DSC1: variants seen among roughly 807,000 people sequenced by gnomAD.
The protein encoded by DSC1 is desmocollin-1.
DSC1 carries 79 observed loss-of-function variants against 98.8 expected under a neutral mutation model. That is an observed-to-expected ratio of 0.80 (90% CI 0.67 to 0.96). The LOEUF (loss-of-function observed/expected upper bound fraction) is 0.96, where lower values mean the gene tolerates loss of function less well. Among genes scored for constraint, DSC1 ranks in the 50% least tolerant of loss-of-function variants. The probability of loss-of-function intolerance (pLI) is 0.00; values close to 1 mark genes in which losing one functional copy is unlikely to be tolerated. For missense variants in DSC1, 1,115 were observed against 1,075.9 expected, an observed-to-expected ratio of 1.04 and a Z score of -0.51; for synonymous variants, 405 against 372.1, an observed-to-expected ratio of 1.09 and a Z score of -1.02.
chr18:31,148,717 GA>G, intron 5 of DSC1, 75 bp from the exon 6 acceptor site: 1 of 1,346,264 alleles, frequency 7.4e-7, no homozygotes, highest in Admixed American at 2.6e-5. Flanking sequence ...AGCAGTGGGG[GA>G]AAATGTAACA....
At chr18:31,132,832 T>C in intron 13 of DSC1, 143 bp from the exon 14 acceptor site, 1 of 711,642 alleles carries the variant, frequency 1.4e-6, no homozygotes, top group Non-Finnish European at 2.2e-6. Flanking sequence ...AACAGAATAT[T>C]TTAAAAATGT....
chr18:31,158,187 AACCTGGG>A (rs1385400695), intron 2 of DSC1, among the ~76,000 whole-genome samples: 4 of 152,128 alleles, frequency 2.6e-5, no homozygotes, highest in African/African-American at 9.7e-5. Flanking sequence ...GAATTGCTTG[AACCTGGG>A]AGGTGAAGGT....
At chr18:31,155,057 T>A in intron 4 of DSC1, 128 bp from the exon 5 acceptor site, 1 of 1,107,618 alleles carries the variant, frequency 9.0e-7, no homozygotes. Flanking sequence ...TTCTTCTGCT[T>A]AGGTGCCCAT....
intron 5 of DSC1, among the ~76,000 whole-genome samples, chr18:31,150,124 C>A (rs1568002382): frequency 7.0e-6 from 1 of 142,584 alleles, no homozygotes; most frequent in Admixed American, 7.4e-5. Context: ...TCACCACCAT[C>A]TCCACCATTA....
At chr18:31,157,669 G>A in intron 2 of DSC1, 96 bp from the exon 3 acceptor site, 2 of 1,320,048 alleles carry the variant, frequency 1.5e-6, no homozygotes, top group South Asian at 1.2e-5. Flanking sequence ...ATGAGAAGCA[G>A]AAAAAGGGAG....
In DSC1 at chr18:31,156,063, A is replaced by T; in HGVS notation, c.451T>A (p.Phe151Ile). The change falls in exon 4 of 16, where the codon TTT becomes ATT. Residue 151 changes from phenylalanine to isoleucine, a missense_variant. Phe to Ile is a conservative substitution (Grantham distance 21). Transcript: ENST00000257198. ...ASLMENSLGP[F>I]PQHVQQIQSD... ...TGCACCTGCTGAACGTGTTGTGGAA[A>T]TGGACCCAACGAGTTCTCCATCAAT... 2.5e-6 allele frequency: 4 copies of T among 1,614,058 alleles called. No homozygotes were observed. Among genetic ancestry groups the T allele is most frequent in the Non-Finnish European group, 3.4e-6 (4 of 1,180,008 alleles).
chr18:31,149,797 T>A (rs780459070), intron 5 of DSC1, among the ~76,000 whole-genome samples: 1 of 152,150 alleles, frequency 6.6e-6, no homozygotes, highest in Non-Finnish European at 1.5e-5. Flanking sequence ...GAATGTACAC[T>A]CCAAACTCTG....
rs1159433871 is a variant in DSC1 at position 31,143,796 on chromosome 18, A to T, written c.940-5T>A. 1.3e-6 allele frequency: 2 copies of T among 1,545,814 alleles called. No homozygotes were observed. Among genetic ancestry groups the T allele is most frequent in the Non-Finnish European group, 1.7e-6 (2 of 1,150,650 alleles). ...TAACTGGTAAGTATCACATTTCTGA[A>T]AAAAAGGAAAAAACTACATTAATGA... On this transcript the variant is annotated splice_region_variant and splice_polypyrimidine_tract_variant and intron_variant, in intron 7 of 15. Coordinates refer to ENST00000257198, the MANE Select transcript of DSC1 (RefSeq NM_024421.2).
chr18:31,162,653 C>T lies in DSC1; in HGVS notation c.-59G>A. On this transcript the variant is annotated 5_prime_UTR_variant, in exon 1 of 16. It adds an upstream start codon to the 5' untranslated region. Coordinates refer to ENST00000257198, the MANE Select transcript of DSC1 (RefSeq NM_024421.2). ...AGATAACAGGGCAGCCTGGGATGCA[C>T]AGAGCGGCTAAGAAGACGCTGGCAC... 1 of 1,518,800 alleles carries T rather than the reference C, an allele frequency of 6.6e-7. No homozygotes were observed. Among genetic ancestry groups the T allele is most frequent in the Non-Finnish European group, 9.1e-7 (1 of 1,094,266 alleles). 94.1% of individuals were successfully genotyped at this position (1,518,800 alleles called of 1,614,324 possible).
At position 31,159,532 on chromosome 18, in the gene DSC1, C is replaced by CA. The variant is rs35550730; in HGVS notation, c.64-4dup. 0.095 allele frequency: 124,353 copies of CA among 1,307,030 alleles called. 1,101 individuals are homozygous for CA. Among genetic ancestry groups the CA allele is most frequent in the African/African-American group, 0.23 (14,728 of 64,090 alleles). The allele number at this position is 1,307,030 out of a possible 1,614,324, so 81.0% of individuals were successfully genotyped here. A position where few individuals can be genotyped will look rare whatever the true frequency, so the allele number is the denominator to read the frequency against. On this transcript the variant is annotated splice_region_variant and splice_polypyrimidine_tract_variant and intron_variant, in intron 1 of 15. Coordinates refer to ENST00000257198, the MANE Select transcript of DSC1 (RefSeq NM_024421.2). Reference sequence around the variant, plus strand: ...GCATCGCAAAGTAATGTTAAAACCTCAAAAAAAAAAAAAGAAAAAATATCA... The same window carrying CA: ...GCATCGCAAAGTAATGTTAAAACCTCAAAAAAAAAAAAAAGAAAAAATATCA...
intron 11 of DSC1, among the ~76,000 whole-genome samples, chr18:31,136,359 A>G (rs1988608743): frequency 6.6e-6 from 1 of 152,224 alleles, no homozygotes; most frequent in Admixed American, 6.5e-5. Flanking sequence ...TTCTCTTTAT[A>G]GAAAAATCGT....
At chr18:31,143,414 G>T (rs1227722869) in intron 8 of DSC1, among the ~76,000 whole-genome samples, 1 of 151,590 alleles carries the variant, frequency 6.6e-6, no homozygotes, top group Non-Finnish European at 1.5e-5. Flanking sequence ...TAACACATGA[G>T]CTACGTCTAG....
At chr18:31,133,720 T>G (rs1376863111) in intron 13 of DSC1, among the ~76,000 whole-genome samples, 171 bp downstream of exon 13, 1 of 152,060 alleles carries the variant, frequency 6.6e-6, no homozygotes, top group African/African-American at 2.4e-5. Flanking sequence ...AAATTTAATC[T>G]GCTGTTACTG....
At chr18:31,158,374 G>A (rs1309944123) in intron 2 of DSC1, among the ~76,000 whole-genome samples, 3 of 152,090 alleles carry the variant, frequency 2.0e-5, no homozygotes, top group Non-Finnish European at 2.9e-5. Context: ...AACCCGATGC[G>A]CTGTGGTTAT....
Position 31,154,812 on chromosome 18 carries a change from T to C in DSC1, c.589A>G (p.Thr197Ala). 1 of 1,614,004 alleles carries C rather than the reference T, an allele frequency of 6.2e-7. No homozygotes were observed. The highest frequency in any genetic ancestry group is 8.5e-7 in the Non-Finnish European group (1 of 1,179,914). Residue 197 changes from threonine (T) to alanine (A), a missense_variant, in exon 5 of 16, where the codon ACA (threonine) becomes GCA (alanine). Physicochemically the swap from Thr to Ala is moderately conservative, Grantham distance 58 (BLOSUM62 0). Coordinates refer to ENST00000257198, the MANE Select transcript of DSC1 (RefSeq NM_024421.2). ...IEKDTGDIFCTRSIDREKYEQ... is the reference protein window; with the variant it reads ...IEKDTGDIFCARSIDREKYEQ... ...TATTTCTCACGGTCAATGCTCCTTG[T>C]ACAAAAGATATCCCCAGTGTCTTTC...
At chr18:31,138,587 T>C (rs1158187971) in intron 11 of DSC1, among the ~76,000 whole-genome samples, 1 of 148,444 alleles carries the variant, frequency 6.7e-6, no homozygotes, top group Non-Finnish European at 1.5e-5. Flanking sequence ...GGGTATAATA[T>C]CTGAGAACAC....
Position 31,162,733 on chromosome 18 carries a change from A to C in DSC1, c.-139T>G. ...TGCAGCTGAGCTTGGTTTGGAAGAC[A>C]GTCCGGAGGCAAGTGATAAACAGTA... On this transcript the variant is annotated 5_prime_UTR_variant, in exon 1 of 16. Transcript: ENST00000257198. 1.5e-6 allele frequency: 1 copy of C among 684,330 alleles called. No homozygotes were observed. Among genetic ancestry groups the C allele is most frequent in the Non-Finnish European group, 2.6e-6 (1 of 388,680 alleles). The allele number at this position is 684,330 out of a possible 1,614,324, so 42.4% of individuals were successfully genotyped here. A position where few individuals can be genotyped will look rare whatever the true frequency, so the allele number is the denominator to read the frequency against.
chr18:31,152,480 T>C (rs17727199), intron 5 of DSC1, among the ~76,000 whole-genome samples: 35,807 of 152,096 alleles, frequency 0.24, 4,739 homozygotes, highest in East Asian at 0.56. Context: ...TTATATAAAA[T>C]CAAAGAATTA....
Position 31,144,930 on chromosome 18 carries a change from C to CTTTTTTTTTTTTTTTTTTTTT in DSC1, c.939+680_939+681insAAAAAAAAAAAAAAAAAAAAA, listed in dbSNP as rs1170980389. ...AGTATATGGGAACCGTCTGTATTTTCTTTTTCTTTCTTTTTTTTTTTTTTT... is the reference window on the plus strand; with the variant it reads ...AGTATATGGGAACCGTCTGTATTTTCTTTTTTTTTTTTTTTTTTTTTTTTTTCTTTCTTTTTTTTTTTTTTT... On this transcript the variant is annotated intron_variant, in intron 7 of 15. Coordinates refer to ENST00000257198, the MANE Select transcript of DSC1 (RefSeq NM_024421.2). Among the ~76,000 whole-genome samples, 3 of 124,740 alleles carry CTTTTTTTTTTTTTTTTTTTTT rather than the reference C, an allele frequency of 2.4e-5. 1 individual carries two copies. The highest frequency in any genetic ancestry group is 6.4e-5 in the African/African-American group (2 of 31,386). The allele number at this position is 124,740 out of a possible 152,430, so 81.8% of individuals were successfully genotyped here.
Sources: gnomAD v4.1 joint callset for allele counts (sites outside exome capture counted in the v4.1 genomes callset) on GRCh38, gnomAD v4.1.1 for gene constraint, MANE v1.5 for transcripts, NCBI Gene and HGNC (gene_info 2026-07-23, HGNC 2026-07-21) for gene names.